Variants in SLC15A5 observed in about 807,000 individuals in gnomAD.
The protein encoded by SLC15A5 is solute carrier family 15 member 5, also known as Peptide/histidine transporter ENSP00000340402.
Under a neutral mutation model 56.1 loss-of-function variants are expected in SLC15A5, and 58 were observed. The observed-to-expected ratio is 1.03, with a 90% CI of 0.84 to 1.29. The LOEUF is 1.29. SLC15A5 is among the 50% of genes most tolerant of loss of function. The probability of loss-of-function intolerance (pLI) is 0.00; values close to 1 mark genes in which losing one functional copy is unlikely to be tolerated. For missense variants in SLC15A5, 681 were observed against 672.1 expected (o/e 1.01, Z -0.15); for synonymous variants, 264 against 250.5 (o/e 1.05, Z -0.51).
chr12:16,230,684 C>T (rs1799504), intron 5 of SLC15A5, among the ~76,000 whole-genome samples: 27,068 of 149,884 alleles, frequency 0.18, 2,471 homozygotes, highest in East Asian at 0.27. Flanking sequence ...GAGGCCGAGG[C>T]GGGTGGATCA....
At chr12:16,199,884 C>T (rs979748027) in intron 7 of SLC15A5, among the ~76,000 whole-genome samples, 1 of 152,000 alleles carries the variant, frequency 6.6e-6, no homozygotes, top group African/African-American at 2.4e-5. Context: ...GCCATGTATG[C>T]TTGACACTGT....
intron 1 of SLC15A5, among the ~76,000 whole-genome samples, 191 bp from the exon 2 acceptor site, chr12:16,272,974 T>C (rs564676885): frequency 6.6e-6 from 1 of 152,220 alleles, no homozygotes; most frequent in South Asian, 2.1e-4. Context: ...TCAATATGTG[T>C]CTCAACTAAT....
chr12:16,249,489 C>G (rs558387226), intron 3 of SLC15A5, among the ~76,000 whole-genome samples: 2 of 151,980 alleles, frequency 1.3e-5, no homozygotes, highest in South Asian at 2.1e-4. Flanking sequence ...TTTTATAGAG[C>G]CTTGTGTAAA....
intron 7 of SLC15A5, among the ~76,000 whole-genome samples, chr12:16,203,967 A>G (rs1433074777): frequency 6.6e-6 from 1 of 152,164 alleles, no homozygotes; most frequent in African/African-American, 2.4e-5. Context: ...CAAAAAGGAA[A>G]AATGTATAAA....
intron 7 of SLC15A5, among the ~76,000 whole-genome samples, chr12:16,202,422 C>T (rs994902816): frequency 6.6e-6 from 1 of 151,842 alleles, no homozygotes; most frequent in Non-Finnish European, 1.5e-5. Context: ...CCAGTGAGAA[C>T]GTTATGAAAA....
In SLC15A5 at chr12:16,277,601, CA is replaced by C; in HGVS notation, c.84del (p.Ile28MetfsTer10). The C allele has an allele frequency of 6.5e-7, 1 of 1,536,328 alleles. No homozygotes were observed. The highest frequency in any genetic ancestry group is 8.7e-7 in the Non-Finnish European group (1 of 1,146,326). ...SIEKEKTVRHIGDLCSSHSVK... is the reference protein window; with the variant it reads ...SIEKEKTVRHXGDLCSSHSVK... ...ACAGAGTGTGAGGAACACAAATCGC[CA>C]ATATGTCTTACAGTTTTCTCCTTCT... On this transcript the variant is annotated frameshift_variant, in exon 1 of 9. Coordinates refer to ENST00000344941, the MANE Select transcript of SLC15A5 (RefSeq NM_001170798.1). LOFTEE classifies it high-confidence loss of function.
intron 3 of SLC15A5, among the ~76,000 whole-genome samples, chr12:16,250,194 C>G (rs1864506070): frequency 6.6e-6 from 1 of 151,952 alleles, no homozygotes; most frequent in Non-Finnish European, 1.5e-5. Flanking sequence ...CTGTGCTCAG[C>G]TTAACAATAA....
intron 7 of SLC15A5, among the ~76,000 whole-genome samples, chr12:16,203,905 C>T (rs1863987975): frequency 6.6e-6 from 1 of 152,098 alleles, no homozygotes; most frequent in Non-Finnish European, 1.5e-5. Flanking sequence ...CCCTGTATAA[C>T]AGTGATCACC....
At chr12:16,254,534 T>G (rs1178587807) in intron 3 of SLC15A5, among the ~76,000 whole-genome samples, 1 of 152,192 alleles carries the variant, frequency 6.6e-6, no homozygotes, top group Admixed American at 6.5e-5. Flanking sequence ...TTCATTCCTT[T>G]TTATGGCTGA....
At chr12:16,199,422 C>T (rs150275789) in intron 7 of SLC15A5, among the ~76,000 whole-genome samples, 44 of 151,968 alleles carry the variant, frequency 2.9e-4, no homozygotes, top group African/African-American at 1.1e-3. Flanking sequence ...AGACCCTCAC[C>T]ACAGAAATCA....
chr12:16,277,587 G>A lies in SLC15A5; in HGVS notation c.99C>T (p.Ser33=), dbSNP rs1864833439. Residue 33 remains serine, a synonymous_variant, in exon 1 of 9, where the codon TCC becomes TCT. Transcript: ENST00000344941. ...CCTGAATTTTTTTCACAGAGTGTGAGGAACACAAATCGCCAATATGTCTTA... is the reference window on the plus strand; with the variant it reads ...CCTGAATTTTTTTCACAGAGTGTGAAGAACACAAATCGCCAATATGTCTTA... ...KTVRHIGDLC[S]SHSVKKIQVG... 3 of 1,536,422 alleles carry A rather than the reference G, an allele frequency of 2.0e-6. No homozygotes were observed. Among genetic ancestry groups the A allele is most frequent in the South Asian group, 1.2e-5 (1 of 84,040 alleles).
rs1187780283 is a variant in SLC15A5, at chr12:16,196,128, G to A, written c.1484-1675C>T. 1.3e-5 allele frequency among the ~76,000 whole-genome samples: 2 copies of A among 151,716 alleles called. No homozygotes were observed. The highest frequency in any genetic ancestry group is 2.4e-5 in the African/African-American group (1 of 41,296). On this transcript the variant is annotated intron_variant, in intron 7 of 8. Transcript: ENST00000344941. The surrounding 1 kb of genome is among the most constrained non-coding windows in gnomAD (Gnocchi z 4.0). ...ATTTAGATCAGTGCCTGACAAATAG[G>A]GATTATTTGGCAAAATAATACCAAA...
chr12:16,230,009 A>G (rs190230317), intron 5 of SLC15A5, among the ~76,000 whole-genome samples: 1 of 152,232 alleles, frequency 6.6e-6, no homozygotes, highest in East Asian at 1.9e-4. Context: ...ATGGAAGAGG[A>G]GTCAATGGAG....
chr12:16,270,569 G>T (rs955273068), intron 2 of SLC15A5, among the ~76,000 whole-genome samples: 11 of 152,106 alleles, frequency 7.2e-5, no homozygotes, highest in African/African-American at 2.7e-4. Context: ...CATAACAATA[G>T]CTATCATAAT....
Position 16,269,135 on chromosome 12 carries a change from A to G in SLC15A5, c.584+3426T>C, listed in dbSNP as rs905900372. Reference sequence around the variant, plus strand: ...GAGCTGTGAAAAATAAATTTCTACTATTTATAAGCCAGCCAATCTCTGCTG... The same window carrying G: ...GAGCTGTGAAAAATAAATTTCTACTGTTTATAAGCCAGCCAATCTCTGCTG... On this transcript the variant is annotated intron_variant, in intron 2 of 8. Coordinates refer to ENST00000344941, the MANE Select transcript of SLC15A5 (RefSeq NM_001170798.1). The surrounding 1 kb of genome is among the most constrained non-coding windows in gnomAD (Gnocchi z 4.7). Among the ~76,000 whole-genome samples, 117 of 152,270 alleles carry G rather than the reference A, an allele frequency of 7.7e-4. No homozygotes were observed. The highest frequency in any genetic ancestry group is 2.7e-3 in the African/African-American group (112 of 41,572).
chr12:16,227,981 C>G (rs1864259636), intron 5 of SLC15A5, among the ~76,000 whole-genome samples: 1 of 152,012 alleles, frequency 6.6e-6, no homozygotes. Flanking sequence ...CTGATAAAAC[C>G]ATAGCAACTG....
Position 16,277,636 on chromosome 12 carries a change from T to G in SLC15A5, c.50A>C (p.His17Pro). 1 of 1,536,114 alleles carries G rather than the reference T, an allele frequency of 6.5e-7. No homozygotes were observed. The highest frequency in any genetic ancestry group is 1.4e-5 in the African/African-American group (1 of 73,082). The change falls in exon 1 of 9, where the codon CAC becomes CCC. Residue 17 changes from histidine (H) to proline (P), a missense_variant. By Grantham distance (77) the His-to-Pro change is moderately conservative. Transcript: ENST00000344941. ...TACAGTTTTCTCCTTCTCAATGCTG[T>G]GATATAAGTGTACTTTCTCATCAGT... The part of the protein sequence containing the change: ...TITDEKVHLY[H>P]SIEKEKTVRH...
At chr12:16,224,694 G>T (rs1297265052) in intron 5 of SLC15A5, 92 bp from the exon 6 acceptor site, 6 of 1,222,872 alleles carry the variant, frequency 4.9e-6, no homozygotes, top group Non-Finnish European at 2.2e-6. Flanking sequence ...ATTGACATTA[G>T]ATGTTTCTTT....
chr12:16,259,024 C>CT lies in SLC15A5; in HGVS notation c.585-1155dup, dbSNP rs5796661. Among the ~76,000 whole-genome samples the CT allele has an allele frequency of 6.0e-3, 381 of 63,218 alleles. 29 individuals are homozygous for CT. Among genetic ancestry groups the CT allele is most frequent in the Non-Finnish European group, 7.7e-3 (282 of 36,414 alleles). The allele number at this position is 63,218 out of a possible 152,430, so 41.5% of individuals were successfully genotyped here. On this transcript the variant is annotated intron_variant, in intron 2 of 8. Coordinates refer to ENST00000344941, the MANE Select transcript of SLC15A5 (RefSeq NM_001170798.1). ...TTTTTCTTTTTCTTTTCTTTCTTTC[C>CT]TTTTTTTTTTTTTTTTTTTTTTTTT...
Sources: allele counts gnomAD v4.1 joint callset (sites outside exome capture counted in the v4.1 genomes callset), GRCh38; gene constraint gnomAD v4.1.1; non-coding constraint Gnocchi (gnomAD v3.1); transcripts MANE v1.5; gene names NCBI Gene and HGNC (gene_info 2026-07-23, HGNC 2026-07-21).